CNTROB: variants seen among roughly 807,000 people sequenced by gnomAD.
CNTROB encodes the protein centrobin, centriole duplication and spindle assembly protein, also known as centrobin.
In CNTROB, 82 loss-of-function variants were observed where a neutral mutation model predicts 115.7. That is an observed-to-expected ratio of 0.71 (90% CI 0.59 to 0.85). CNTROB has a LOEUF of 0.85. CNTROB is among the 40% of genes least tolerant of loss of function. CNTROB has a pLI of 0.00. For synonymous variants in CNTROB, 439 were observed against 456.4 expected, an observed-to-expected ratio of 0.96 and a Z score of 0.49; for missense variants, 1,014 against 1,144.4, an observed-to-expected ratio of 0.89 and a Z score of 1.64.
chr17:7,949,746 G>A lies in CNTROB; in HGVS notation c.*236G>A. 2.5e-6 allele frequency: 1 copy of A among 393,992 alleles called. No individual in the cohort carries two copies. Among genetic ancestry groups the A allele is most frequent in the Non-Finnish European group, 4.4e-6 (1 of 225,908 alleles). 24.4% of individuals were successfully genotyped at this position (393,992 alleles called of 1,614,324 possible). Reference sequence around the variant, plus strand: ...TGGAAGACGGTCTATGACAAGATTTGGAAAGTTGGGGCGGCTAAGATTCAG... The same window carrying A: ...TGGAAGACGGTCTATGACAAGATTTAGAAAGTTGGGGCGGCTAAGATTCAG... On this transcript the variant is annotated 3_prime_UTR_variant, in exon 19 of 19. Transcript: ENST00000563694.
Position 7,933,150 on chromosome 17 carries a change from C to A in CNTROB, c.71C>A (p.Pro24His). 6.2e-7 allele frequency: 1 copy of A among 1,614,216 alleles called. No homozygotes were observed. Among genetic ancestry groups the A allele is most frequent in the Non-Finnish European group, 8.5e-7 (1 of 1,180,040 alleles). The change falls in exon 1 of 19, where the codon CCC becomes CAC. Residue 24 changes from proline to histidine, a missense_variant. By Grantham distance (77) the Pro-to-His change is moderately conservative (BLOSUM62 -2). Transcript: ENST00000563694. ...AEDLLSDSSE[P>H]PGLNQVSSEV... ...GATCTCCTGAGTGATTCATCAGAACCCCCTGGGCTCAACCAAGTGTCGTCT... is the reference window on the plus strand; with the variant it reads ...GATCTCCTGAGTGATTCATCAGAACACCCTGGGCTCAACCAAGTGTCGTCT...
At chr17:7,935,512 A>C (rs866405135) in intron 4 of CNTROB, among the ~76,000 whole-genome samples, 2 of 151,908 alleles carry the variant, frequency 1.3e-5, no homozygotes, top group Non-Finnish European at 2.9e-5. Context: ...AAAAAAAAAA[A>C]ACTAAAAAAG....
chr17:7,944,194 A>C lies in CNTROB; in HGVS notation c.1517A>C (p.Glu506Ala). ...LASQLAQFKV[E>A]MAEREERQQQ... ...AGTCAGCTAGCTCAGTTCAAGGTGGAAATGGCAGAACGAGAGGAACGGCAA... is the reference window on the plus strand; with the variant it reads ...AGTCAGCTAGCTCAGTTCAAGGTGGCAATGGCAGAACGAGAGGAACGGCAA... The change falls in exon 11 of 19, where the codon GAA becomes GCA. Residue 506 changes from glutamate to alanine, a missense_variant. Transcript: ENST00000563694. This position sits in a 1 kb window ranked among gnomAD's most constrained non-coding sequence, Gnocchi z 4.0. 6.2e-7 allele frequency: 1 copy of C among 1,613,466 alleles called. No individual in the cohort carries two copies. The highest frequency in any genetic ancestry group is 8.5e-7 in the Non-Finnish European group (1 of 1,179,366).
In CNTROB at chr17:7,949,161, AG is replaced by A. The variant is rs1349542599; in HGVS notation, c.2586+7del. The A allele has an allele frequency of 1.9e-6, 3 of 1,613,810 alleles. No homozygotes were observed. In the South Asian group the frequency reaches 3.3e-5, roughly 18 times the overall value. On this transcript the variant is annotated splice_donor_5th_base_variant and intron_variant, in intron 18 of 18. Coordinates refer to ENST00000563694, the MANE Select transcript of CNTROB (RefSeq NM_053051.5). ...GGGTGAGATCCCCCGGAAAGAGGTG[AG>A]GGAAAGTCAGGCAGGGACCAGGGGA...
Position 7,939,330 on chromosome 17 carries a change from G to T in CNTROB, c.928-183G>T, listed in dbSNP as rs183526572. 1.1e-4 allele frequency among the ~76,000 whole-genome samples: 16 copies of T among 152,044 alleles called. No individual in the cohort carries two copies. Among genetic ancestry groups the T allele is most frequent in the Admixed American group, 5.9e-4 (9 of 15,274 alleles). On this transcript the variant is annotated intron_variant, in intron 7 of 18. Transcript: ENST00000563694. This position sits in a 1 kb window ranked among gnomAD's most constrained non-coding sequence, Gnocchi z 4.4. ...GCTGGTCTCAAACTCCTGACCTCAG[G>T]TAATCTGCCTGCCTTGGCCTCCCAA...
rs1211569432 is a variant in CNTROB, at chr17:7,943,704, A to G, written c.1445+180A>G. The G allele has an allele frequency of 3.2e-6, 2 of 634,030 alleles. No homozygotes were observed. Among genetic ancestry groups the G allele is most frequent in the Non-Finnish European group, 5.3e-6 (2 of 378,918 alleles). 39.3% of individuals were successfully genotyped at this position (634,030 alleles called of 1,614,324 possible). On this transcript the variant is annotated intron_variant, in intron 10 of 18. Transcript: ENST00000563694. This position sits in a 1 kb window ranked among gnomAD's most constrained non-coding sequence, Gnocchi z 4.7. ...GGGCTGCCTTCACGCGTTCATGGAG[A>G]GCCAGAAGTGCCTGGGAATTTTCAT...
At chr17:7,934,638 T>G in intron 3 of CNTROB, 92 bp downstream of exon 3, 1 of 1,138,582 alleles carries the variant, frequency 8.8e-7, no homozygotes, top group Non-Finnish European at 1.3e-6. Flanking sequence ...CTTTTGTACC[T>G]CTTAAGAACC....
rs568568939 is a variant in CNTROB, at chr17:7,939,071, G to A, written c.928-442G>A. 2.7e-5 allele frequency among the ~76,000 whole-genome samples: 4 copies of A among 149,208 alleles called. No homozygotes were observed. The highest frequency in any genetic ancestry group is 4.3e-4 in the South Asian group (2 of 4,684). The stretch of plus-strand genomic sequence containing the variant: ...TGGGATTACAGGCATGAGCCACTGC[G>A]CCTGTCAACTATTGTGGGGTTTCTT... On this transcript the variant is annotated intron_variant, in intron 7 of 18. Transcript: ENST00000563694. This position sits in a 1 kb window ranked among gnomAD's most constrained non-coding sequence, Gnocchi z 4.4.
At chr17:7,946,080 A>G in intron 13 of CNTROB, 94 bp downstream of exon 13, 1 of 1,148,748 alleles carries the variant, frequency 8.7e-7, no homozygotes, top group South Asian at 1.4e-5. Context: ...TTGAGCATTT[A>G]GTTTCCCAGA....
In CNTROB at chr17:7,932,347, A is replaced by T; in HGVS notation, c.-733A>T. 6.1e-6 allele frequency: 1 copy of T among 165,026 alleles called. No homozygotes were observed. Among genetic ancestry groups the T allele is most frequent in the Non-Finnish European group, 1.3e-5 (1 of 75,516 alleles). The allele number at this position is 165,026 out of a possible 1,614,324, so 10.2% of individuals were successfully genotyped here. A position where few individuals can be genotyped will look rare whatever the true frequency, so the allele number is the denominator to read the frequency against. On this transcript the variant is annotated 5_prime_UTR_variant, in exon 1 of 19. Transcript: ENST00000563694. ...GGAAGGGTGGAGAGTAGGCGGAACCAGGTGGTCGTCGGGGCAGAGGATCTC... is the reference window on the plus strand; with the variant it reads ...GGAAGGGTGGAGAGTAGGCGGAACCTGGTGGTCGTCGGGGCAGAGGATCTC...
chr17:7,936,507 G>A (rs1158642871), intron 5 of CNTROB, 25 bp downstream of exon 5: 3 of 923,952 alleles, frequency 3.2e-6, no homozygotes, highest in Non-Finnish European at 5.5e-6. Context: ...AAATGTGGGT[G>A]GGTCTCTCCA....
chr17:7,941,025 C>T (rs1159378933), intron 9 of CNTROB, among the ~76,000 whole-genome samples: 1 of 152,160 alleles, frequency 6.6e-6, no homozygotes. Flanking sequence ...CTGAATTGGG[C>T]TGTAGTTCGC....
Position 7,932,881 on chromosome 17 carries a change from C to T in CNTROB, c.-199C>T. On this transcript the variant is annotated 5_prime_UTR_variant, in exon 1 of 19. Coordinates refer to ENST00000563694, the MANE Select transcript of CNTROB (RefSeq NM_053051.5). ...GAGCTGGGGAAAGGGATGCTTTTGCCCACTCCCATGGCCCCTGGAACTGGT... is the reference window on the plus strand; with the variant it reads ...GAGCTGGGGAAAGGGATGCTTTTGCTCACTCCCATGGCCCCTGGAACTGGT... The T allele has an allele frequency of 1.7e-6, 1 of 601,718 alleles. No homozygotes were observed. The highest frequency in any genetic ancestry group is 2.8e-5 in the East Asian group (1 of 35,324). The allele number at this position is 601,718 out of a possible 1,614,324, so 37.3% of individuals were successfully genotyped here.
At position 7,939,763 on chromosome 17, in the gene CNTROB, T is replaced by C. The variant is rs1598081752; in HGVS notation, c.1164+14T>C. 1.2e-5 allele frequency: 20 copies of C among 1,611,074 alleles called. No homozygotes were observed. The highest frequency in any genetic ancestry group is 2.7e-5 in the African/African-American group (2 of 74,878). On this transcript the variant is annotated intron_variant, in intron 8 of 18. Coordinates refer to ENST00000563694, the MANE Select transcript of CNTROB (RefSeq NM_053051.5). The surrounding 1 kb of genome is among the most constrained non-coding windows in gnomAD (Gnocchi z 4.4). The stretch of plus-strand genomic sequence containing the variant: ...GAAAGGGAGAAGGTAAAAGTGGCAG[T>C]TGGAAGAGCTGAGGAACTAGGGAGT...
rs776015434 is a variant in CNTROB, at chr17:7,944,509, G to A, written c.1605G>A (p.Leu535=). 6 of 1,613,944 alleles carry A rather than the reference G, an allele frequency of 3.7e-6. No individual in the cohort carries two copies. The highest frequency in any genetic ancestry group is 1.3e-5 in the African/African-American group (1 of 74,876). The change falls in exon 12 of 19, where the codon CTG becomes CTA. Residue 535 remains leucine (L), a synonymous_variant. Transcript: ENST00000563694. The surrounding 1 kb of genome is among the most constrained non-coding windows in gnomAD (Gnocchi z 4.0). ...LAREQARVCE[L]QSGNQQLEEQ... ...GGGAGCAAGCGCGAGTGTGCGAACT[G>A]CAGAGTGGGAACCAGCAGCTGGAGG... is the stretch of plus-strand genomic sequence containing the variant.
Position 7,944,025 on chromosome 17 carries a change from T to G in CNTROB, c.1446-98T>G, listed in dbSNP as rs558909252. 3.2e-5 allele frequency: 28 copies of G among 882,852 alleles called. No individual in the cohort carries two copies. In the South Asian group the frequency reaches 4.0e-4, roughly 13 times the overall value. 54.7% of individuals were successfully genotyped at this position (882,852 alleles called of 1,614,324 possible). ...CATGGCCAGGCTAGCTGACTGGCTA[T>G]CTGGGTCACTGTCATGTGCACACAT... On this transcript the variant is annotated intron_variant, in intron 10 of 18. Transcript: ENST00000563694. The surrounding 1 kb of genome is among the most constrained non-coding windows in gnomAD (Gnocchi z 4.0).
At chr17:7,934,344 G>GAACGGGAGACT in intron 2 of CNTROB, 121 bp from the exon 3 acceptor site, 1 of 1,330,320 alleles carries the variant, frequency 7.5e-7, no homozygotes, top group Non-Finnish European at 1.1e-6. Flanking sequence ...AAAGTCTCCC[G>GAACGGGAGACT]TTCTTTGGGA....
Position 7,943,627 on chromosome 17 carries a change from A to C in CNTROB, c.1445+103A>C. 2 of 1,258,410 alleles carry C rather than the reference A, an allele frequency of 1.6e-6. No homozygotes were observed. The highest frequency in any genetic ancestry group is 1.7e-5 in the South Asian group (1 of 58,644). 78.0% of individuals were successfully genotyped at this position (1,258,410 alleles called of 1,614,324 possible). A position where few individuals can be genotyped will look rare whatever the true frequency, so the allele number is the denominator to read the frequency against. On this transcript the variant is annotated intron_variant, in intron 10 of 18. Coordinates refer to ENST00000563694, the MANE Select transcript of CNTROB (RefSeq NM_053051.5). This position sits in a 1 kb window ranked among gnomAD's most constrained non-coding sequence, Gnocchi z 4.7. ...CCCTTTGCCATGGTCCAGCACTGTG[A>C]CTCCCAGGGTGCGCTAACTCCCATC...
chr17:7,947,502 T>C, intron 13 of CNTROB, 69 bp from the exon 14 acceptor site: 1 of 1,434,302 alleles, frequency 7.0e-7, no homozygotes, highest in Non-Finnish European at 9.4e-7. Flanking sequence ...ATTAGGTGAG[T>C]TGATTTGTGG....
Sources: gnomAD v4.1 joint callset for allele counts (sites outside exome capture counted in the v4.1 genomes callset) on GRCh38, gnomAD v4.1.1 for gene constraint, Gnocchi (gnomAD v3.1) non-coding constraint, MANE v1.5 for transcripts, NCBI Gene and HGNC (gene_info 2026-07-23, HGNC 2026-07-21) for gene names.